KIF1A: variants seen among roughly 807,000 people sequenced by gnomAD.
KIF1A encodes the protein kinesin family member 1A, also known as kinesin-like protein KIF1A.
Under a neutral mutation model 227.3 loss-of-function variants are expected in KIF1A, and 46 were observed. The observed-to-expected ratio is 0.20, with a 90% CI of 0.16 to 0.26. The LOEUF (loss-of-function observed/expected upper bound fraction) is 0.26. KIF1A is among the 10% of genes least tolerant of loss of function. The pLI is 1.00. For missense variants in KIF1A, 1,683 were observed against 2,485.9 expected (o/e 0.68, Z 6.87); for synonymous variants, 1,022 against 1,012.8 (o/e 1.01, Z -0.17).
chr2:240,802,265 T>C (rs2057040419), intron 1 of KIF1A, among the ~76,000 whole-genome samples: 1 of 152,218 alleles, frequency 6.6e-6, no homozygotes, highest in African/African-American at 2.4e-5. Context: ...ATACATGTTG[T>C]CATTGCTAGG....
intron 12 of KIF1A, among the ~76,000 whole-genome samples, chr2:240,773,775 C>G (rs562027080): frequency 6.6e-6 from 1 of 152,292 alleles, no homozygotes; most frequent in East Asian, 1.9e-4. Flanking sequence ...AACCGAGCAG[C>G]CTCTAGCATG....
rs937134759 is a variant in KIF1A at position 240,756,330 on chromosome 2, C to T, written c.2858+989G>A. On this transcript the variant is annotated intron_variant, in intron 27 of 48. Transcript: ENST00000498729. Reference sequence around the variant, plus strand: ...ATATATGTAAAATATATAAATTCAGCTGTTTCGTGAGCTGACCTTCTGACT... The same window carrying T: ...ATATATGTAAAATATATAAATTCAGTTGTTTCGTGAGCTGACCTTCTGACT... 3.9e-5 allele frequency among the ~76,000 whole-genome samples: 6 copies of T among 152,336 alleles called. No individual in the cohort carries two copies. In the South Asian group the frequency reaches 1.2e-3, roughly 32 times the overall value.
chr2:240,732,820 C>T (rs1458797096), intron 38 of KIF1A, among the ~76,000 whole-genome samples: 2 of 77,774 alleles, frequency 2.6e-5, no homozygotes, highest in South Asian at 5.1e-4. Flanking sequence ...AGGGACGAGA[C>T]GATGAGGGGG....
intron 25 of KIF1A, 98 bp downstream of exon 25, chr2:240,760,567 G>A: frequency 1.1e-6 from 1 of 890,548 alleles, no homozygotes; most frequent in South Asian, 2.6e-5. Flanking sequence ...GTGTCTGCAG[G>A]TACTCGCTGT....
At chr2:240,738,639 G>A (rs1374696376) in intron 37 of KIF1A, among the ~76,000 whole-genome samples, 1 of 152,238 alleles carries the variant, frequency 6.6e-6, no homozygotes, top group Non-Finnish European at 1.5e-5. Flanking sequence ...CTGAAGGGGA[G>A]CATTGGGGTT....
chr2:240,778,572 A>G lies in KIF1A; in HGVS notation c.883-2646T>C, dbSNP rs2053094876. ...CTTCTCAGTGTCCCACGGGCCTCAC[A>G]GCAGCCACGCAGCTCCCGAAAACCC... On this transcript the variant is annotated intron_variant, in intron 10 of 48. Coordinates refer to ENST00000498729, the MANE Select transcript of KIF1A (RefSeq NM_001244008.2). The surrounding 1 kb of genome is among the most constrained non-coding windows in gnomAD (Gnocchi z 7.2). Among the ~76,000 whole-genome samples the G allele has an allele frequency of 7.3e-6, 1 of 137,782 alleles. No individual in the cohort carries two copies. The highest frequency in any genetic ancestry group is 2.2e-4 in the South Asian group (1 of 4,578). 90.4% of individuals were successfully genotyped at this position (137,782 alleles called of 152,430 possible).
At chr2:240,814,911 TG>T (rs1228245260) in intron 1 of KIF1A, among the ~76,000 whole-genome samples, 2 of 152,194 alleles carry the variant, frequency 1.3e-5, no homozygotes, top group Non-Finnish European at 2.9e-5. Flanking sequence ...AGTGAGACCC[TG>T]TCTCTAAAAT....
chr2:240,796,341 G>A (rs1207520739), intron 2 of KIF1A, among the ~76,000 whole-genome samples: 1 of 152,248 alleles, frequency 6.6e-6, no homozygotes, highest in Non-Finnish European at 1.5e-5. Flanking sequence ...AGCGAGCGTT[G>A]TTGGAAAAGC....
intron 38 of KIF1A, among the ~76,000 whole-genome samples, chr2:240,734,110 C>T (rs184018272): frequency 9.8e-4 from 150 of 152,356 alleles, no homozygotes; most frequent in African/African-American, 3.4e-3. Context: ...TCGGTGGCCA[C>T]GGCCAGAGGA....
chr2:240,742,136 C>T (rs930936201), intron 34 of KIF1A, among the ~76,000 whole-genome samples: 2 of 152,320 alleles, frequency 1.3e-5, no homozygotes, highest in East Asian at 1.9e-4. Flanking sequence ...GTGTCCTCAG[C>T]CCGCAAACCT....
At chr2:240,759,582 T>C (rs1309830149) in intron 25 of KIF1A, among the ~76,000 whole-genome samples, 2 of 69,818 alleles carry the variant, frequency 2.9e-5, no homozygotes, top group South Asian at 3.6e-4. Flanking sequence ...CCTACTCCTC[T>C]CTGCCTGGTG....
At chr2:240,798,677 A>G (rs1354145493) in intron 1 of KIF1A, among the ~76,000 whole-genome samples, 1 of 152,220 alleles carries the variant, frequency 6.6e-6, no homozygotes, top group Non-Finnish European at 1.5e-5. Context: ...GTGACGAAGC[A>G]GCCACTGTGA....
chr2:240,762,952 G>A (rs1400990805), intron 22 of KIF1A, 67 bp downstream of exon 22: 8 of 1,372,440 alleles, frequency 5.8e-6, no homozygotes, highest in Middle Eastern at 2.2e-4. Flanking sequence ...GAGTGGGGGC[G>A]TGGGAGGACA....
intron 1 of KIF1A, among the ~76,000 whole-genome samples, chr2:240,819,336 G>T (rs2058553144): frequency 6.6e-6 from 1 of 151,522 alleles, no homozygotes; most frequent in Admixed American, 6.6e-5. Context: ...CTCCCTCGCC[G>T]CCGGGCCACA....
intron 1 of KIF1A, among the ~76,000 whole-genome samples, chr2:240,811,777 A>T (rs2057882568): frequency 6.6e-6 from 1 of 152,146 alleles, no homozygotes; most frequent in Non-Finnish European, 1.5e-5. Flanking sequence ...ATGACTGCTC[A>T]GAGCCAAAGA....
Position 240,765,661 on chromosome 2 carries a change from G to A in KIF1A, c.1768+49C>T, listed in dbSNP as rs368047262. On this transcript the variant is annotated intron_variant, in intron 20 of 48. Coordinates refer to ENST00000498729, the MANE Select transcript of KIF1A (RefSeq NM_001244008.2). The stretch of plus-strand genomic sequence containing the variant: ...GCTTGGACATGGGAACAGAGGCCTC[G>A]CCTCATGCCTCTGCCTACCTGACTG... The A allele has an allele frequency of 7.0e-6, 10 of 1,424,682 alleles. No individual in the cohort carries two copies. In the African/African-American group the frequency reaches 7.0e-5, roughly 10 times the overall value. The allele number at this position is 1,424,682 out of a possible 1,614,324, so 88.3% of individuals were successfully genotyped here.
At chr2:240,777,039 G>GTT (rs1276166766) in intron 10 of KIF1A, among the ~76,000 whole-genome samples, 2 of 152,054 alleles carry the variant, frequency 1.3e-5, no homozygotes, top group African/African-American at 4.8e-5. Context: ...TTTTTCTTTT[G>GTT]TTTTGTTTTT....
chr2:240,781,229 CCA>C (rs1202962479), intron 10 of KIF1A, among the ~76,000 whole-genome samples: 1 of 19,058 alleles, frequency 5.2e-5, no homozygotes, highest in Non-Finnish European at 8.2e-5. Flanking sequence ...ACACACAGCT[CCA>C]CACACACACA....
At chr2:240,735,527 C>T (rs1007137344) in intron 38 of KIF1A, among the ~76,000 whole-genome samples, 8 of 152,140 alleles carry the variant, frequency 5.3e-5, no homozygotes, top group Admixed American at 3.9e-4. Flanking sequence ...GCTGCCTGGG[C>T]TGAGGGGGGT....
Sources: gnomAD v4.1 joint callset for allele counts (sites outside exome capture counted in the v4.1 genomes callset) on GRCh38, gnomAD v4.1.1 for gene constraint, Gnocchi (gnomAD v3.1) non-coding constraint, MANE v1.5 for transcripts, NCBI Gene and HGNC (gene_info 2026-07-23, HGNC 2026-07-21) for gene names.